FRAS1: variants seen among roughly 807,000 people sequenced by gnomAD.
The protein encoded by FRAS1 is extracellular matrix organizing protein FRAS1.
FRAS1 carries 290 observed loss-of-function variants against 435.2 expected under a neutral mutation model. The ratio of observed to expected loss-of-function variants is 0.67; its 90% CI spans 0.61 to 0.73. The LOEUF is 0.73. Among genes scored for constraint, FRAS1 ranks in the 30% least tolerant of loss-of-function variants. The probability of loss-of-function intolerance (pLI) is 0.00; values close to 1 mark genes in which losing one functional copy is unlikely to be tolerated. For synonymous variants in FRAS1, 1,800 were observed against 1,851.0 expected, an observed-to-expected ratio of 0.97 and a Z score of 0.71; for missense variants, 4,860 against 5,001.5, an observed-to-expected ratio of 0.97 and a Z score of 0.85.
At chr4:78,326,159 T>TCC (rs1284473456) in intron 18 of FRAS1, among the ~76,000 whole-genome samples, 3 of 150,740 alleles carry the variant, frequency 2.0e-5, no homozygotes, top group African/African-American at 5.0e-5. Flanking sequence ...AAAGATCGTC[T>TCC]GGTGGATGTG....
intron 14 of FRAS1, among the ~76,000 whole-genome samples, chr4:78,291,413 G>T (rs1727891845): frequency 6.6e-6 from 1 of 152,160 alleles, no homozygotes; most frequent in Non-Finnish European, 1.5e-5. Context: ...TCACTCCTAT[G>T]AGGCAGAGCT....
chr4:78,524,978 G>A (rs183031901), intron 69 of FRAS1, among the ~76,000 whole-genome samples: 1 of 152,162 alleles, frequency 6.6e-6, no homozygotes, highest in Non-Finnish European at 1.5e-5. Flanking sequence ...TGGGAAACAG[G>A]GTTCCTGGTA....
chr4:78,502,284 C>T (rs1353275833), intron 61 of FRAS1, among the ~76,000 whole-genome samples: 4 of 152,158 alleles, frequency 2.6e-5, no homozygotes, highest in African/African-American at 4.8e-5. Context: ...ATCGGGATGG[C>T]ATTGTATCTA....
At chr4:78,404,659 A>G (rs1370677628) in intron 30 of FRAS1, among the ~76,000 whole-genome samples, 1 of 152,154 alleles carries the variant, frequency 6.6e-6, no homozygotes. Context: ...CTTCACAGAA[A>G]CCTTTGTCAA....
chr4:78,097,725 A>G (rs1741882669), intron 2 of FRAS1, among the ~76,000 whole-genome samples: 1 of 152,192 alleles, frequency 6.6e-6, no homozygotes, highest in Non-Finnish European at 1.5e-5. Context: ...GCCTCCCACA[A>G]CACATGGGAA....
In FRAS1 at chr4:78,450,277, A is replaced by G. The variant is rs777249203; in HGVS notation, c.6401A>G (p.Asn2134Ser). 8 of 1,613,770 alleles carry G rather than the reference A, an allele frequency of 5.0e-6. No individual in the cohort carries two copies. The East Asian group carries it at 1.3e-4, about 27-fold the overall frequency. ...AGRLQMMKHG[N>S]LEQISIKGPI... ...CGCCTGCAGATGATGAAGCATGGCA[A>G]CCTGGAGCAAATTTCTATTAAAGGC... The change falls in exon 45 of 74, where the codon AAC becomes AGC. Residue 2134 changes from asparagine (N) to serine (S), a missense_variant. Asn to Ser is a conservative substitution (Grantham distance 46). Transcript: ENST00000512123.
chr4:78,405,594 T>C (rs1733069258), intron 30 of FRAS1, among the ~76,000 whole-genome samples: 1 of 152,250 alleles, frequency 6.6e-6, no homozygotes, highest in Admixed American at 6.5e-5. Flanking sequence ...AGAATGAGTG[T>C]CTGCATTGAG....
chr4:78,245,121 C>T (rs1725170272), intron 3 of FRAS1, 112 bp from the exon 4 acceptor site: 6 of 764,060 alleles, frequency 7.9e-6, no homozygotes, highest in Non-Finnish European at 1.4e-5. Flanking sequence ...GTTGTTGTCA[C>T]CTCAGAAACG....
At chr4:78,347,639 A>G (rs1240831368) in intron 20 of FRAS1, among the ~76,000 whole-genome samples, 1 of 152,114 alleles carries the variant, frequency 6.6e-6, no homozygotes, top group Admixed American at 6.5e-5. Context: ...GGTGTCCTCA[A>G]CTGGCACCAT....
chr4:78,121,475 G>A (rs1403664949), intron 2 of FRAS1, among the ~76,000 whole-genome samples: 1 of 152,168 alleles, frequency 6.6e-6, no homozygotes, highest in Admixed American at 6.5e-5. Context: ...TTCCTTTGAT[G>A]AGTCCACAGA....
chr4:78,097,092 C>G (rs1741851240), intron 2 of FRAS1, among the ~76,000 whole-genome samples: 1 of 152,180 alleles, frequency 6.6e-6, no homozygotes, highest in Non-Finnish European at 1.5e-5. Context: ...TCATCTCTCT[C>G]AAGTTCAAGG....
intron 14 of FRAS1, among the ~76,000 whole-genome samples, chr4:78,297,414 C>T (rs1424852182): frequency 6.6e-6 from 1 of 152,094 alleles, no homozygotes; most frequent in Non-Finnish European, 1.5e-5. Context: ...TTTAATGTTT[C>T]CCTGGAAAAG....
Position 78,170,709 on chromosome 4 carries a change from G to A in FRAS1, c.109-66801G>A, listed in dbSNP as rs116501310. Among the ~76,000 whole-genome samples the A allele has an allele frequency of 6.8e-3, 1,037 of 152,192 alleles. 14 individuals are homozygous for A. Among genetic ancestry groups the A allele is most frequent in the African/African-American group, 0.024 (996 of 41,564 alleles). ...TCTCATTGTCGTTTTCATCTATTAT[G>A]TTGTAATAGTGATAACTGATGATCA... On this transcript the variant is annotated intron_variant, in intron 2 of 73. Transcript: ENST00000512123.
rs1190191210 is a variant in FRAS1, at chr4:78,083,072, A to G, written c.108+17056A>G. Reference sequence around the variant, plus strand: ...ATTCTTAGGAAAGAATAAATGTGGTAATAGGGATCTGGAAATTAGGGATCT... The same window carrying G: ...ATTCTTAGGAAAGAATAAATGTGGTGATAGGGATCTGGAAATTAGGGATCT... On this transcript the variant is annotated intron_variant, in intron 2 of 73. Coordinates refer to ENST00000512123, the MANE Select transcript of FRAS1 (RefSeq NM_025074.7). 4.6e-5 allele frequency among the ~76,000 whole-genome samples: 7 copies of G among 152,162 alleles called. No homozygotes were observed. The East Asian group carries it at 1.3e-3, about 29-fold the overall frequency.
chr4:78,088,194 G>T (rs543573926), intron 2 of FRAS1, among the ~76,000 whole-genome samples: 4 of 152,080 alleles, frequency 2.6e-5, no homozygotes, highest in Non-Finnish European at 5.9e-5. Context: ...TCCCTATTTA[G>T]TAAATGATGC....
At chr4:78,099,723 T>C (rs1439515367) in intron 2 of FRAS1, among the ~76,000 whole-genome samples, 2 of 152,100 alleles carry the variant, frequency 1.3e-5, no homozygotes, top group South Asian at 4.2e-4. Flanking sequence ...TCCAGAGTAG[T>C]TTGTGGAGGG....
intron 2 of FRAS1, among the ~76,000 whole-genome samples, chr4:78,187,878 C>T (rs1295791135): frequency 6.6e-6 from 1 of 152,196 alleles, no homozygotes; most frequent in Non-Finnish European, 1.5e-5. Context: ...GCTAGGATTG[C>T]AGGCATGAGC....
At chr4:78,329,998 G>A (rs1402937026) in intron 18 of FRAS1, among the ~76,000 whole-genome samples, 2 of 152,080 alleles carry the variant, frequency 1.3e-5, no homozygotes, top group African/African-American at 4.8e-5. Flanking sequence ...TGTCAAAATT[G>A]AGAGAATGAA....
rs1719734035 is a variant in FRAS1, at chr4:78,472,275, T to A, written c.7467T>A (p.His2489Gln). The part of the protein sequence containing the change: ...LVYEITTGPK[H>Q]GFVENKLQPG... ...ATGAGATAACGACGGGCCCTAAGCA[T>A]GGCTTTGTGGAGAACAAGCTGCAGC... The change falls in exon 52 of 74, where the codon CAT (histidine) becomes CAA (glutamine). Residue 2489 changes from histidine (H) to glutamine (Q), a missense_variant. Coordinates refer to ENST00000512123, the MANE Select transcript of FRAS1 (RefSeq NM_025074.7). 1.2e-6 allele frequency: 2 copies of A among 1,612,830 alleles called. No individual in the cohort carries two copies. The highest frequency in any genetic ancestry group is 3.3e-5 in the Admixed American group (2 of 59,942).
Sources: allele counts gnomAD v4.1 joint callset (sites outside exome capture counted in the v4.1 genomes callset), GRCh38; gene constraint gnomAD v4.1.1; transcripts MANE v1.5; gene names NCBI Gene and HGNC (gene_info 2026-07-23, HGNC 2026-07-21).